Variants in TMEM79 observed in about 807,000 individuals in gnomAD.
TMEM79 encodes mattrin.
Under a neutral mutation model 31.2 loss-of-function variants are expected in TMEM79, and 30 were observed. The observed-to-expected ratio is 0.96, with a 90% CI of 0.72 to 1.30. TMEM79 has a LOEUF of 1.30. Among genes scored for constraint, TMEM79 ranks in the 50% most tolerant of loss-of-function variants. The probability of loss-of-function intolerance (pLI) is 0.00; values close to 1 mark genes in which losing one functional copy is unlikely to be tolerated. For missense variants in TMEM79, 509 were observed against 528.2 expected (o/e 0.96, Z 0.36); for synonymous variants, 213 against 229.5 (o/e 0.93, Z 0.65).
chr1:156,291,486 A>C lies in TMEM79; in HGVS notation c.1073A>C (p.Tyr358Ser). The change falls in exon 4 of 4, where the codon TAC becomes TCC. Residue 358 changes from tyrosine to serine, a missense_variant. Coordinates refer to ENST00000405535, the MANE Select transcript of TMEM79 (RefSeq NM_032323.3). Reference protein sequence around the residue: ...PLLSMLMWNLYYMFVVEPERM... With the variant: ...PLLSMLMWNLSYMFVVEPERM... ...CTGTCGATGCTGATGTGGAACCTCT[A>C]CTACATGTTCGTGGTGGAGCCGGAG... The C allele has an allele frequency of 6.2e-7, 1 of 1,612,776 alleles. No homozygotes were observed. The highest frequency in any genetic ancestry group is 8.5e-7 in the Non-Finnish European group (1 of 1,179,846).
chr1:156,285,159 C>A, intron 1 of TMEM79, 25 bp from the exon 2 acceptor site: 1 of 1,496,846 alleles, frequency 6.7e-7, no homozygotes, highest in Non-Finnish European at 8.9e-7. Context: ...GGGTTTCTGA[C>A]AGAGCTTTCC....
intron 3 of TMEM79, 105 bp downstream of exon 3, chr1:156,286,578 C>G: frequency 1.7e-6 from 2 of 1,175,046 alleles, no homozygotes; most frequent in South Asian, 2.7e-5. Context: ...GGATTCTACA[C>G]TGGCCCAAAT....
At chr1:156,290,486 T>TG (rs1663283010) in intron 3 of TMEM79, 1 of 149,430 alleles carries the variant, frequency 6.7e-6, no homozygotes, top group Non-Finnish European at 1.5e-5. Flanking sequence ...GCTCAGGAGT[T>TG]GGGGGCTGCC....
At position 156,285,663 on chromosome 1, in the gene TMEM79, T is replaced by G; in HGVS notation, c.437T>G (p.Ile146Ser). Residue 146 changes from isoleucine to serine, a missense_variant, in exon 2 of 4, where the codon ATC (isoleucine) becomes AGC (serine). Coordinates refer to ENST00000405535, the MANE Select transcript of TMEM79 (RefSeq NM_032323.3). ...GAGCGGCAGCCCCAAGAAGACCTTA[T>G]CGTGCGCTGTGAGGCAGGCGAGGGC... ...CIERQPQEDL[I>S]VRCEAGEGEC... The G allele has an allele frequency of 3.1e-6, 5 of 1,613,894 alleles. No individual in the cohort carries two copies. The highest frequency in any genetic ancestry group is 4.2e-6 in the Non-Finnish European group (5 of 1,179,966).
chr1:156,290,065 A>G (rs1381761234), intron 3 of TMEM79: 1 of 152,350 alleles, frequency 6.6e-6, no homozygotes, highest in East Asian at 1.9e-4. Flanking sequence ...GCAAGAGGAT[A>G]AATACAATGG....
chr1:156,286,372 C>T lies in TMEM79; in HGVS notation c.870C>T (p.Leu290=), dbSNP rs780610052. ...HRRYVAQSVQ[L]FILYFFNLAV... is the part of the protein sequence containing the mutation. ...GATATGTGGCCCAGTCGGTCCAGCT[C>T]TTTATTCTCTACTTCTTCAACCTGG... Residue 290 remains leucine, a synonymous_variant, in exon 3 of 4, where the codon CTC becomes CTT. Transcript: ENST00000405535. 1 of 1,614,204 alleles carries T rather than the reference C, an allele frequency of 6.2e-7. No individual in the cohort carries two copies. Among genetic ancestry groups the T allele is most frequent in the South Asian group, 1.1e-5 (1 of 91,084 alleles).
chr1:156,287,310 G>A (rs1326306806), intron 3 of TMEM79, among the ~76,000 whole-genome samples: 1 of 152,154 alleles, frequency 6.6e-6, no homozygotes, highest in South Asian at 2.1e-4. Flanking sequence ...CAGCTATTCA[G>A]GAGGCGGAGG....
At chr1:156,284,842 TC>T (rs1378530918) in intron 1 of TMEM79, among the ~76,000 whole-genome samples, 2 of 152,286 alleles carry the variant, frequency 1.3e-5, no homozygotes, top group South Asian at 2.1e-4. Flanking sequence ...TGCCTCCTAT[TC>T]CTGCATTAGA....
At position 156,286,019 on chromosome 1, in the gene TMEM79, G is replaced by A. The variant is rs779949208; in HGVS notation, c.757+36G>A. The A allele has an allele frequency of 5.7e-6, 9 of 1,573,172 alleles. No homozygotes were observed. In the Admixed American group the frequency reaches 1.6e-4, roughly 28 times the overall value. ...GAGAAGAAAGGGGGCATCGGGAAGT[G>A]GACTTGAGGAGGGCAGGGCCTGGCT... On this transcript the variant is annotated intron_variant, in intron 2 of 3. Transcript: ENST00000405535.
intron 1 of TMEM79, 72 bp from the exon 2 acceptor site, chr1:156,285,112 T>C: frequency 1.5e-6 from 2 of 1,351,626 alleles, no homozygotes; most frequent in Non-Finnish European, 2.0e-6. Context: ...CTGGAGAGTA[T>C]GAGTTCTGTC....
chr1:156,284,434 C>T (rs564618975), intron 1 of TMEM79, 28 bp downstream of exon 1: 1 of 152,334 alleles, frequency 6.6e-6, no homozygotes, highest in Admixed American at 6.5e-5. Flanking sequence ...GTCCAAACTG[C>T]AAGGTTTGGA....
In TMEM79 at chr1:156,291,527, AC is replaced by A; in HGVS notation, c.1116del (p.Glu373ArgfsTer34). 1 of 1,610,320 alleles carries A rather than the reference AC, an allele frequency of 6.2e-7. No individual in the cohort carries two copies. The highest frequency in any genetic ancestry group is 8.5e-7 in the Non-Finnish European group (1 of 1,180,006). On this transcript the variant is annotated frameshift_variant, in exon 4 of 4. Coordinates refer to ENST00000405535, the MANE Select transcript of TMEM79 (RefSeq NM_032323.3). LOFTEE classifies it high-confidence loss of function. ...VVEPERMLTA[T>X]ESRLDYPDHA... ...GGAGCCGGAGCGCATGCTCACTGCC[AC>A]CGAGAGCCGCCTGGACTACCCGGAC...
At position 156,284,334 on chromosome 1, in the gene TMEM79, G is replaced by C. The variant is rs1318198731; in HGVS notation, c.-116G>C. 1 of 152,388 alleles carries C rather than the reference G, an allele frequency of 6.6e-6. No homozygotes were observed. Among genetic ancestry groups the C allele is most frequent in the Non-Finnish European group, 1.5e-5 (1 of 68,154 alleles). 9.4% of individuals were successfully genotyped at this position (152,388 alleles called of 1,614,324 possible). On this transcript the variant is annotated 5_prime_UTR_variant, in exon 1 of 4. Transcript: ENST00000405535. ...ACAGAGAGAAATACTTGCAGAGCCAGCAGGTAGCTGGGCAGCTCCTTCCCG... is the reference window on the plus strand; with the variant it reads ...ACAGAGAGAAATACTTGCAGAGCCACCAGGTAGCTGGGCAGCTCCTTCCCG...
In TMEM79 at chr1:156,291,666, GC is replaced by G. The variant is rs1663343321; in HGVS notation, c.*70del. On this transcript the variant is annotated 3_prime_UTR_variant, in exon 4 of 4. Coordinates refer to ENST00000405535, the MANE Select transcript of TMEM79 (RefSeq NM_032323.3). ...GTCTGACACATCTTTGAACCTTGTG[GC>G]CAGGCCTGGACTTCGCCCCCAGGCC... The G allele has an allele frequency of 1.3e-6, 2 of 1,502,130 alleles. No homozygotes were observed. Among genetic ancestry groups the G allele is most frequent in the Middle Eastern group, 1.7e-4 (1 of 5,880 alleles). 93.1% of individuals were successfully genotyped at this position (1,502,130 alleles called of 1,614,324 possible). A position where few individuals can be genotyped will look rare whatever the true frequency, so the allele number is the denominator to read the frequency against.
intron 3 of TMEM79, 75 bp from the exon 4 acceptor site, chr1:156,291,310 C>G (rs1200406847): frequency 2.1e-6 from 3 of 1,400,942 alleles, no homozygotes; most frequent in Non-Finnish European, 3.0e-6. Context: ...ATCTACTCCC[C>G]CCACCGTCAG....
At chr1:156,287,668 G>C (rs1663208413) in intron 3 of TMEM79, among the ~76,000 whole-genome samples, 1 of 139,376 alleles carries the variant, frequency 7.2e-6, no homozygotes, top group Non-Finnish European at 1.5e-5. Context: ...AGGCTGGAGA[G>C]TACAATGGCA....
chr1:156,286,086 C>T, intron 2 of TMEM79, 103 bp downstream of exon 2: 1 of 1,493,486 alleles, frequency 6.7e-7, no homozygotes, highest in Admixed American at 1.9e-5. Context: ...TGACCTGGGC[C>T]CCTCAGGGTC....
In TMEM79 at chr1:156,291,959, A is replaced by C; in HGVS notation, c.*361A>C. 8.2e-6 allele frequency: 4 copies of C among 486,808 alleles called. No individual in the cohort carries two copies. Among genetic ancestry groups the C allele is most frequent in the Non-Finnish European group, 1.1e-5 (3 of 272,740 alleles). 30.2% of individuals were successfully genotyped at this position (486,808 alleles called of 1,614,324 possible). A position where few individuals can be genotyped will look rare whatever the true frequency, so the allele number is the denominator to read the frequency against. ...GCTCCCTAATGCTGGTCTCTGCTCC[A>C]CTCCCCGGCTTCCCGTGAGGCAGGA... On this transcript the variant is annotated 3_prime_UTR_variant, in exon 4 of 4. Coordinates refer to ENST00000405535, the MANE Select transcript of TMEM79 (RefSeq NM_032323.3).
In TMEM79 at chr1:156,291,661, T is replaced by A. The variant is rs1408965652; in HGVS notation, c.*63T>A. 6.5e-7 allele frequency: 1 copy of A among 1,527,350 alleles called. No individual in the cohort carries two copies. Among genetic ancestry groups the A allele is most frequent in the Admixed American group, 1.7e-5 (1 of 59,238 alleles). 94.6% of individuals were successfully genotyped at this position (1,527,350 alleles called of 1,614,324 possible). ...CTTGGGTCTGACACATCTTTGAACCTTGTGGCCAGGCCTGGACTTCGCCCC... is the reference window on the plus strand; with the variant it reads ...CTTGGGTCTGACACATCTTTGAACCATGTGGCCAGGCCTGGACTTCGCCCC... On this transcript the variant is annotated 3_prime_UTR_variant, in exon 4 of 4. Transcript: ENST00000405535.
Sources: gnomAD v4.1 joint callset for allele counts (sites outside exome capture counted in the v4.1 genomes callset) on GRCh38, gnomAD v4.1.1 for gene constraint, MANE v1.5 for transcripts, NCBI Gene and HGNC (gene_info 2026-07-23, HGNC 2026-07-21) for gene names.